UGT2B17: variants seen among roughly 807,000 people sequenced by gnomAD.
UGT2B17 encodes the protein UDP glucuronosyltransferase family 2 member B17.
Under a neutral mutation model 48.2 loss-of-function variants are expected in UGT2B17, and 21 were observed. The observed-to-expected ratio is 0.44, with a 90% CI of 0.31 to 0.63. The LOEUF (loss-of-function observed/expected upper bound fraction) is 0.63, where lower values mean the gene tolerates loss of function less well. Among genes scored for constraint, UGT2B17 ranks in the 20% least tolerant of loss-of-function variants. UGT2B17 has a pLI of 0.08. For synonymous variants in UGT2B17, 146 were observed against 238.4 expected, an observed-to-expected ratio of 0.61 and a Z score of 3.57; for missense variants, 402 against 696.1, an observed-to-expected ratio of 0.58 and a Z score of 4.75.
At chr4:68,557,742 A>G (rs190028864) in intron 4 of UGT2B17, among the ~76,000 whole-genome samples, 3 of 126,754 alleles carry the variant, frequency 2.4e-5, no homozygotes, top group African/African-American at 8.0e-5. Context: ...TTAACAAAAC[A>G]CAATTGGAGA....
rs2109779618 is a variant in UGT2B17 at position 68,570,518 on chromosome 4, A to C, written c.-64-1970T>G. Among the ~76,000 whole-genome samples the C allele has an allele frequency of 3.2e-5, 4 of 126,596 alleles. 2 individuals are homozygous for C. The highest frequency in any genetic ancestry group is 7.9e-3 in the Middle Eastern group (2 of 252). 83.1% of individuals were successfully genotyped at this position (126,596 alleles called of 152,430 possible). A position where few individuals can be genotyped will look rare whatever the true frequency, so the allele number is the denominator to read the frequency against. ...TTAAAACAGGTACTGAGCATAAAAC[A>C]ATATAAAATAATCTGAGAGGGTCCT... On this transcript the variant is annotated intron_variant, in intron 1 of 6. Transcript: ENST00000317746.
intron 6 of UGT2B17, among the ~76,000 whole-genome samples, chr4:68,545,254 CT>C (rs1730776115): frequency 7.9e-6 from 1 of 126,228 alleles, no homozygotes; most frequent in Non-Finnish European, 1.7e-5. Context: ...CAAACTAGAA[CT>C]CAGGATTAAG....
intron 6 of UGT2B17, among the ~76,000 whole-genome samples, chr4:68,546,233 A>C (rs1240476671): frequency 2.4e-5 from 3 of 126,210 alleles, no homozygotes; most frequent in Non-Finnish European, 5.0e-5. Context: ...CACCTTGACC[A>C]AGTGGGCTTC....
chr4:68,540,665 G>A lies in UGT2B17; in HGVS notation c.1314-2761C>T, dbSNP rs1730638804. Among the ~76,000 whole-genome samples, 2 of 126,124 alleles carry A rather than the reference G, an allele frequency of 1.6e-5. 1 individual carries two copies. The highest frequency in any genetic ancestry group is 7.4e-4 in the South Asian group (2 of 2,690). The allele number at this position is 126,124 out of a possible 152,430, so 82.7% of individuals were successfully genotyped here. On this transcript the variant is annotated intron_variant, in intron 6 of 6. Transcript: ENST00000317746. Reference sequence around the variant, plus strand: ...AAAACAGTTTTATTTTAAGTTCCAGGATACATACGCAGAATGTGTGGGTTT... The same window carrying A: ...AAAACAGTTTTATTTTAAGTTCCAGAATACATACGCAGAATGTGTGGGTTT...
Position 68,548,019 on chromosome 4 carries a change from G to A in UGT2B17, c.1313+2658C>T, listed in dbSNP as rs1323250103. On this transcript the variant is annotated intron_variant, in intron 6 of 6. Transcript: ENST00000317746. ...CAACCATTGTGGAAGTCAGTGTGGC[G>A]ATTCCTCAGGGATCTAGAACTAGAA... 8.7e-5 allele frequency among the ~76,000 whole-genome samples: 11 copies of A among 126,572 alleles called. 4 individuals carry two copies. The highest frequency in any genetic ancestry group is 1.5e-3 in the East Asian group (2 of 1,318). 83.0% of individuals were successfully genotyped at this position (126,572 alleles called of 152,430 possible). A position where few individuals can be genotyped will look rare whatever the true frequency, so the allele number is the denominator to read the frequency against.
Position 68,537,604 on chromosome 4 carries a change from C to T in UGT2B17, c.*21G>A. On this transcript the variant is annotated 3_prime_UTR_variant, in exon 7 of 7. Coordinates refer to ENST00000317746, the MANE Select transcript of UGT2B17 (RefSeq NM_001077.4). ...GAGGAGTCCCATCTTTTGGTCATTC[C>T]ACTTCAGGCTTTTGATATAACTAAT... The T allele has an allele frequency of 1.5e-6, 2 of 1,325,554 alleles. No homozygotes were observed. Among genetic ancestry groups the T allele is most frequent in the Admixed American group, 2.2e-5 (1 of 46,182 alleles). The allele number at this position is 1,325,554 out of a possible 1,614,324, so 82.1% of individuals were successfully genotyped here.
At chr4:68,570,574 C>G (rs1731283379) in intron 1 of UGT2B17, among the ~76,000 whole-genome samples, 1 of 126,140 alleles carries the variant, frequency 7.9e-6, no homozygotes, top group Admixed American at 8.1e-5. Flanking sequence ...TTTTGAGACT[C>G]TCACTTTTTA....
intron 4 of UGT2B17, among the ~76,000 whole-genome samples, chr4:68,556,585 C>T (rs1373913048): frequency 7.9e-6 from 1 of 125,964 alleles, no homozygotes; most frequent in South Asian, 3.6e-4. Flanking sequence ...GCAAGACCAA[C>T]ATATGGGCCC....
chr4:68,568,214 TA>T lies in UGT2B17; in HGVS notation c.270del (p.Phe90LeufsTer2), dbSNP rs529223604. ...SLTKNDLEDF[F>X]MKMFDRWTYS... ...TATGTCCATCTATCGAACATTTTCA[TA>T]AAAAAATCTTCCAAATCATTTTTAG... On this transcript the variant is annotated frameshift_variant, in exon 2 of 7. Transcript: ENST00000317746. LOFTEE classifies it high-confidence loss of function. 3.2e-5 allele frequency: 44 copies of T among 1,372,202 alleles called. 15 individuals are homozygous for T. The highest frequency in any genetic ancestry group is 3.1e-4 in the African/African-American group (21 of 67,408). 85.0% of individuals were successfully genotyped at this position (1,372,202 alleles called of 1,614,324 possible).
intron 6 of UGT2B17, among the ~76,000 whole-genome samples, chr4:68,539,602 T>A (rs1306265714): frequency 8.1e-6 from 1 of 124,058 alleles, no homozygotes; most frequent in African/African-American, 2.7e-5. Flanking sequence ...TTTTAAAAAA[T>A]ATTTTTTATT....
intron 6 of UGT2B17, among the ~76,000 whole-genome samples, chr4:68,549,199 T>C (rs1286441223): frequency 2.4e-5 from 3 of 124,556 alleles, no homozygotes; most frequent in Admixed American, 1.7e-4. Context: ...CATAATAATA[T>C]TGGTAGGATT....
intron 2 of UGT2B17, among the ~76,000 whole-genome samples, chr4:68,566,166 TAATAA>T (rs1245416449): frequency 8.4e-6 from 1 of 119,060 alleles, no homozygotes; most frequent in African/African-American, 2.8e-5. Flanking sequence ...TTAAATTATT[TAATAA>T]AATAATTTAA....
chr4:68,549,004 T>A (rs1197477728), intron 6 of UGT2B17, among the ~76,000 whole-genome samples: 1 of 125,634 alleles, frequency 8.0e-6, no homozygotes, highest in Non-Finnish European at 1.7e-5. Context: ...TATTTCTTTT[T>A]CTTGCCTGAT....
chr4:68,573,369 G>GTTT (rs751304664), intron 1 of UGT2B17, among the ~76,000 whole-genome samples: 1 of 112,306 alleles, frequency 8.9e-6, no homozygotes, highest in Non-Finnish European at 1.8e-5. Flanking sequence ...GCCGACATGA[G>GTTT]TTTTTTTTTT....
rs1326759258 is a variant in UGT2B17, at chr4:68,556,421, T to G, written c.1005+4116A>C. Among the ~76,000 whole-genome samples, 2 of 125,058 alleles carry G rather than the reference T, an allele frequency of 1.6e-5. 1 individual carries two copies. The highest frequency in any genetic ancestry group is 1.7e-4 in the Admixed American group (2 of 12,092). The allele number at this position is 125,058 out of a possible 152,430, so 82.0% of individuals were successfully genotyped here. A position where few individuals can be genotyped will look rare whatever the true frequency, so the allele number is the denominator to read the frequency against. On this transcript the variant is annotated intron_variant, in intron 4 of 6. Coordinates refer to ENST00000317746, the MANE Select transcript of UGT2B17 (RefSeq NM_001077.4). ...TCAAGTTCTGTTTGTTGTGGCATAA[T>G]GCTAACAGTGTTTTCTAAAAGCTAT...
At chr4:68,546,565 G>A (rs116740017) in intron 6 of UGT2B17, among the ~76,000 whole-genome samples, 8,286 of 125,378 alleles carry the variant, frequency 0.066, 2,080 homozygotes, top group African/African-American at 0.2. Context: ...AGTGTTGGAT[G>A]TTCTGGCCAG....
At chr4:68,544,421 C>A (rs536783490) in intron 6 of UGT2B17, among the ~76,000 whole-genome samples, 1 of 125,514 alleles carries the variant, frequency 8.0e-6, no homozygotes, top group African/African-American at 2.7e-5. Flanking sequence ...ACCAGGCCTG[C>A]CCTAAAAGAG....
intron 3 of UGT2B17, among the ~76,000 whole-genome samples, chr4:68,564,740 G>A (rs1446588775): frequency 8.0e-6 from 1 of 125,100 alleles, no homozygotes; most frequent in Non-Finnish European, 1.7e-5. Flanking sequence ...TCACTCCGTC[G>A]CACAGGCTAG....
At chr4:68,543,691 A>G (rs1268164043) in intron 6 of UGT2B17, among the ~76,000 whole-genome samples, 2 of 124,042 alleles carry the variant, frequency 1.6e-5, no homozygotes, top group African/African-American at 5.5e-5. Context: ...TTGAAAAAAG[A>G]TTAGATGAAT....
Sources: gnomAD v4.1 joint callset for allele counts (sites outside exome capture counted in the v4.1 genomes callset) on GRCh38, gnomAD v4.1.1 for gene constraint, MANE v1.5 for transcripts, NCBI Gene and HGNC (gene_info 2026-07-23, HGNC 2026-07-21) for gene names.